RBBP4: variants seen among roughly 807,000 people sequenced by gnomAD.
RBBP4 encodes the protein histone-binding protein RBBP4.
RBBP4 carries 3 observed loss-of-function variants against 57.2 expected under a neutral mutation model. That is an observed-to-expected ratio of 0.05 (90% CI 0.02 to 0.14). The LOEUF is 0.14. Among genes scored for constraint, RBBP4 ranks in the 10% least tolerant of loss-of-function variants. The probability of loss-of-function intolerance (pLI) is 1.00; values close to 1 mark genes in which losing one functional copy is unlikely to be tolerated. For synonymous variants in RBBP4, 151 were observed against 171.5 expected, an observed-to-expected ratio of 0.88 and a Z score of 0.93; for missense variants, 107 against 520.6, an observed-to-expected ratio of 0.21 and a Z score of 7.73.
rs1649583378 is a variant in RBBP4 at position 32,683,378 on chromosome 1, T to C, written c.*3673T>C. The C allele has an allele frequency of 6.6e-6, 1 of 152,190 alleles. No homozygotes were observed. The highest frequency in any genetic ancestry group is 1.5e-5 in the Non-Finnish European group (1 of 68,072). 9.4% of individuals were successfully genotyped at this position (152,190 alleles called of 1,614,324 possible). On this transcript the variant is annotated 3_prime_UTR_variant, in exon 12 of 12. Transcript: ENST00000373493. The stretch of plus-strand genomic sequence containing the variant: ...GGAACTTAATGGATAGATATGTTTA[T>C]TATTTTTGATAGCACAACTGCTTTC...
In RBBP4 at chr1:32,669,686, C is replaced by G. The variant is rs974063648; in HGVS notation, c.966+123C>G. The G allele has an allele frequency of 2.5e-5, 34 of 1,379,276 alleles. 1 individual carries two copies. In the South Asian group the frequency reaches 5.6e-4, roughly 23 times the overall value. 85.4% of individuals were successfully genotyped at this position (1,379,276 alleles called of 1,614,324 possible). On this transcript the variant is annotated intron_variant, in intron 8 of 11. Transcript: ENST00000373493. The surrounding 1 kb of genome is among the most constrained non-coding windows in gnomAD (Gnocchi z 4.9). ...CGGGCGGATCACAAGGTCAGGAGAT[C>G]GAGACCATCCTGGCTAACACGGTGA...
chr1:32,654,026 AG>A (rs1448791342), intron 2 of RBBP4, among the ~76,000 whole-genome samples: 1 of 152,084 alleles, frequency 6.6e-6, no homozygotes, highest in East Asian at 1.9e-4. Flanking sequence ...TGGGGAATTC[AG>A]GATAATTGGA....
intron 3 of RBBP4, chr1:32,662,176 GC>G: frequency 6.5e-6 from 2 of 309,708 alleles, no homozygotes; most frequent in Non-Finnish European, 1.3e-5. Context: ...GAGCCACCGC[GC>G]CCGGGTTTTT....
intron 8 of RBBP4, among the ~76,000 whole-genome samples, chr1:32,670,273 C>T (rs912832279): frequency 2.0e-5 from 3 of 152,114 alleles, no homozygotes; most frequent in Non-Finnish European, 4.4e-5. Context: ...TCCCTTCTTC[C>T]AATATATTCT....
rs547406861 is a variant in RBBP4 at position 32,662,896 on chromosome 1, A to G, written c.310+5324A>G. On this transcript the variant is annotated intron_variant, in intron 3 of 11. Transcript: ENST00000373493. ...CTACTTGGAAGGCTGATGCAGTAGA[A>G]TCGCTTGAACCCAGGAGGCGGAGGT... Among the ~76,000 whole-genome samples, 3 of 152,046 alleles carry G rather than the reference A, an allele frequency of 2.0e-5. No homozygotes were observed. The South Asian group carries it at 6.2e-4, about 32-fold the overall frequency.
At chr1:32,674,420 A>T (rs986633810) in intron 11 of RBBP4, among the ~76,000 whole-genome samples, 1 of 152,042 alleles carries the variant, frequency 6.6e-6, no homozygotes, top group Admixed American at 6.6e-5. Flanking sequence ...TTTTTTGTAG[A>T]GATGGGGTTT....
intron 3 of RBBP4, among the ~76,000 whole-genome samples, chr1:32,666,885 T>C (rs980646314): frequency 6.6e-6 from 1 of 152,220 alleles, no homozygotes; most frequent in African/African-American, 2.4e-5. Flanking sequence ...ATTACTAATA[T>C]AACCAAGGAA....
At chr1:32,656,297 C>T (rs1190525622) in intron 2 of RBBP4, among the ~76,000 whole-genome samples, 2 of 152,022 alleles carry the variant, frequency 1.3e-5, no homozygotes, top group African/African-American at 2.4e-5. Context: ...CGGGTTCAAG[C>T]GATTCTTGTG....
At chr1:32,672,350 C>CT in intron 8 of RBBP4, 100 bp from the exon 9 acceptor site, 1 of 968,822 alleles carries the variant, frequency 1.0e-6, no homozygotes, top group East Asian at 2.6e-5. Flanking sequence ...TTCCTCTTCC[C>CT]TTTTATTTAC....
chr1:32,672,364 A>G (rs1324472747), intron 8 of RBBP4, 86 bp from the exon 9 acceptor site: 1 of 1,093,886 alleles, frequency 9.1e-7, no homozygotes, highest in Non-Finnish European at 1.3e-6. Flanking sequence ...TATTTACAAA[A>G]TTTTTAAATT....
intron 3 of RBBP4, among the ~76,000 whole-genome samples, chr1:32,660,898 C>T (rs1023429322): frequency 1.1e-4 from 16 of 152,188 alleles, no homozygotes; most frequent in Middle Eastern, 6.3e-3. Flanking sequence ...CAACCTCTGC[C>T]TCCTGGGCTC....
chr1:32,683,944 C>T lies in RBBP4; in HGVS notation c.*4239C>T. 1 of 1,523,718 alleles carries T rather than the reference C, an allele frequency of 6.6e-7. No individual in the cohort carries two copies. Among genetic ancestry groups the T allele is most frequent in the Non-Finnish European group, 9.1e-7 (1 of 1,100,774 alleles). The allele number at this position is 1,523,718 out of a possible 1,614,324, so 94.4% of individuals were successfully genotyped here. ...CACCCCGTCCGGCCTGTTTTTAAGG[C>T]ATTAATTAGTATTGTTAGGAAAGCA... On this transcript the variant is annotated 3_prime_UTR_variant, in exon 12 of 12. Transcript: ENST00000373493.
chr1:32,686,177 T>G lies in RBBP4; in HGVS notation c.*6472T>G, dbSNP rs1478850381. The G allele has an allele frequency of 1.3e-5, 2 of 152,248 alleles. No individual in the cohort carries two copies. Among genetic ancestry groups the G allele is most frequent in the African/African-American group, 2.4e-5 (1 of 41,466 alleles). 9.4% of individuals were successfully genotyped at this position (152,248 alleles called of 1,614,324 possible). Reference sequence around the variant, plus strand: ...TTGATACTGATTACATGTTGAAATATATGTGTTGGGTTAAATAAAATGCAT... The same window carrying G: ...TTGATACTGATTACATGTTGAAATAGATGTGTTGGGTTAAATAAAATGCAT... On this transcript the variant is annotated 3_prime_UTR_variant, in exon 12 of 12. Transcript: ENST00000373493.
intron 2 of RBBP4, among the ~76,000 whole-genome samples, chr1:32,653,681 A>G (rs1375758414): frequency 1.1e-5 from 1 of 93,816 alleles, no homozygotes; most frequent in Non-Finnish European, 1.9e-5. Flanking sequence ...TTTTTTTGAG[A>G]CGGAGTCTCC....
At chr1:32,656,184 C>A (rs1281370690) in intron 2 of RBBP4, among the ~76,000 whole-genome samples, 1 of 152,006 alleles carries the variant, frequency 6.6e-6, no homozygotes, top group Non-Finnish European at 1.5e-5. Context: ...AATTTTCTTT[C>A]TTTTATTTAT....
intron 2 of RBBP4, among the ~76,000 whole-genome samples, chr1:32,655,855 C>G (rs1648117657): frequency 6.6e-6 from 1 of 152,164 alleles, no homozygotes; most frequent in Non-Finnish European, 1.5e-5. Flanking sequence ...CCCATCTAGG[C>G]CAGGGGTTCT....
Position 32,682,922 on chromosome 1 carries a change from T to A in RBBP4, c.*3217T>A, listed in dbSNP as rs1428799972. The A allele has an allele frequency of 6.6e-6, 1 of 152,096 alleles. No homozygotes were observed. The highest frequency in any genetic ancestry group is 2.4e-5 in the African/African-American group (1 of 41,420). 9.4% of individuals were successfully genotyped at this position (152,096 alleles called of 1,614,324 possible). A position where few individuals can be genotyped will look rare whatever the true frequency, so the allele number is the denominator to read the frequency against. ...TTTATCAGAATATACTGGTAAAACA[T>A]TGGGGGAGGGATCCTGAGTAGGTGA... On this transcript the variant is annotated 3_prime_UTR_variant, in exon 12 of 12. Coordinates refer to ENST00000373493, the MANE Select transcript of RBBP4 (RefSeq NM_005610.3).
intron 11 of RBBP4, among the ~76,000 whole-genome samples, chr1:32,675,928 C>CA (rs1166447665): frequency 4.7e-5 from 7 of 147,884 alleles, no homozygotes; most frequent in South Asian, 4.3e-4. Context: ...GTGTCTCTAC[C>CA]AAAAAAAAAT....
intron 1 of RBBP4, 140 bp from the exon 2 acceptor site, chr1:32,651,774 T>A: frequency 9.8e-7 from 1 of 1,015,712 alleles, no homozygotes; most frequent in South Asian, 1.6e-5. Context: ...AAGTGGAGAG[T>A]GTGGATGCCT....
Sources: gnomAD v4.1 joint callset for allele counts (sites outside exome capture counted in the v4.1 genomes callset) on GRCh38, gnomAD v4.1.1 for gene constraint, Gnocchi (gnomAD v3.1) non-coding constraint, MANE v1.5 for transcripts, NCBI Gene and HGNC (gene_info 2026-07-23, HGNC 2026-07-21) for gene names.